Variants in COQ2 observed in about 807,000 individuals in gnomAD.
The protein encoded by COQ2 is coenzyme Q2, polyprenyltransferase, also known as 4-hydroxybenzoate polyprenyltransferase, mitochondrial.
COQ2 carries 25 observed loss-of-function variants against 35.7 expected under a neutral mutation model. That is an observed-to-expected ratio of 0.70 (90% CI 0.51 to 0.98). The LOEUF (loss-of-function observed/expected upper bound fraction) is 0.98, where lower values mean the gene tolerates loss of function less well. Ranked by LOEUF, COQ2 falls within the 50% of genes least tolerant of loss-of-function variation. The pLI is 0.00. For missense variants in COQ2, 488 were observed against 473.5 expected, an observed-to-expected ratio of 1.03 and a Z score of -0.28; for synonymous variants, 206 against 186.2, an observed-to-expected ratio of 1.11 and a Z score of -0.86.
At chr4:83,276,517 C>T (rs1735187393) in intron 2 of COQ2, among the ~76,000 whole-genome samples, 1 of 152,108 alleles carries the variant, frequency 6.6e-6, no homozygotes, top group Non-Finnish European at 1.5e-5. Context: ...TCTTCTACGC[C>T]AGTCAGAATG....
intron 5 of COQ2, 130 bp from the exon 6 acceptor site, chr4:83,267,904 T>C (rs757418567): frequency 2.0e-5 from 14 of 690,934 alleles, no homozygotes; most frequent in Non-Finnish European, 3.1e-5. Context: ...TACCACTAAC[T>C]ACTTTCAGAA....
At chr4:83,284,486 C>T (rs1393233720) in intron 1 of COQ2, 26 bp downstream of exon 1, 2 of 1,548,190 alleles carry the variant, frequency 1.3e-6, no homozygotes. Context: ...TGCAAATTCC[C>T]GGGCTGCCCG....
At chr4:83,265,772 C>T (rs1560491214) in intron 6 of COQ2, among the ~76,000 whole-genome samples, 1 of 151,996 alleles carries the variant, frequency 6.6e-6, no homozygotes, top group African/African-American at 2.4e-5. Flanking sequence ...TCAAGTGATT[C>T]TCCTGCCTCA....
chr4:83,272,211 T>A (rs1197325160), intron 3 of COQ2, 39 bp from the exon 4 acceptor site: 2 of 1,366,868 alleles, frequency 1.5e-6, no homozygotes, highest in Non-Finnish European at 2.0e-6. Flanking sequence ...TTATTACCAC[T>A]ACCTCTTAGA....
At chr4:83,270,378 T>C (rs1175074441) in intron 4 of COQ2, among the ~76,000 whole-genome samples, 2 of 152,164 alleles carry the variant, frequency 1.3e-5, no homozygotes, top group Non-Finnish European at 2.9e-5. Context: ...TTCTTTCTGT[T>C]ACCACTCTGC....
At chr4:83,266,287 A>C (rs1044964469) in intron 6 of COQ2, among the ~76,000 whole-genome samples, 1 of 152,220 alleles carries the variant, frequency 6.6e-6, no homozygotes, top group Non-Finnish European at 1.5e-5. Flanking sequence ...AGTCTTGCCT[A>C]TACTGATAGT....
intron 4 of COQ2, among the ~76,000 whole-genome samples, chr4:83,270,260 TAGG>T (rs1462040614): frequency 6.6e-6 from 1 of 152,052 alleles, no homozygotes; most frequent in African/African-American, 2.4e-5. Context: ...ATTAAGTAAA[TAGG>T]AGGTTTAAAG....
At chr4:83,273,474 A>T in intron 3 of COQ2, 22 bp downstream of exon 3, 1 of 1,595,534 alleles carries the variant, frequency 6.3e-7, no homozygotes, top group Non-Finnish European at 8.5e-7. Context: ...TTTATACATG[A>T]TGTGGAAAAC....
intron 2 of COQ2, among the ~76,000 whole-genome samples, chr4:83,273,980 CAA>C (rs967781699): frequency 1.7e-4 from 5 of 29,070 alleles, no homozygotes; most frequent in African/African-American, 3.5e-4. Context: ...GCTGTCTCTA[CAA>C]AAAAAAAAAA....
In COQ2 at chr4:83,279,057, C is replaced by T. The variant is rs1435409912; in HGVS notation, c.311G>A (p.Gly104Asp). 6.3e-7 allele frequency: 1 copy of T among 1,598,278 alleles called. No individual in the cohort carries two copies. Among genetic ancestry groups the T allele is most frequent in the East Asian group, 2.2e-5 (1 of 44,472 alleles). ...TWSIGLAAEP[G>D]CFPDWYMLSL... ...GAGCATGTACCAATCTGGAAAACAA[C>T]CTGGTTCAGCTGCCAAACCAATGCT... Residue 104 changes from glycine (G) to aspartate (D), a missense_variant, in exon 2 of 7, where the codon GGT (glycine) becomes GAT (aspartate). Coordinates refer to ENST00000647002, the MANE Select transcript of COQ2 (RefSeq NM_001358921.2).
At chr4:83,271,776 G>A (rs901339525) in intron 4 of COQ2, among the ~76,000 whole-genome samples, 3 of 152,064 alleles carry the variant, frequency 2.0e-5, no homozygotes, top group East Asian at 3.9e-4. Context: ...TGGTGCCACT[G>A]CACTCCAGCC....
chr4:83,272,496 T>G (rs1341262777), intron 3 of COQ2, among the ~76,000 whole-genome samples: 1 of 152,218 alleles, frequency 6.6e-6, no homozygotes, highest in Non-Finnish European at 1.5e-5. Context: ...TATTATAATA[T>G]AAAGTTTTAT....
At chr4:83,276,227 G>A (rs544255015) in intron 2 of COQ2, among the ~76,000 whole-genome samples, 13 of 151,686 alleles carry the variant, frequency 8.6e-5, no homozygotes, top group Admixed American at 2.0e-4. Flanking sequence ...GTTCATGTGC[G>A]TTGCCTACTT....
In COQ2 at chr4:83,284,711, C is replaced by T. The variant is rs1234719726; in HGVS notation, c.54G>A (p.Leu18=). 3.3e-6 allele frequency: 5 copies of T among 1,500,312 alleles called. No individual in the cohort carries two copies. The highest frequency in any genetic ancestry group is 4.4e-6 in the Non-Finnish European group (5 of 1,130,356). The allele number at this position is 1,500,312 out of a possible 1,614,324, so 92.9% of individuals were successfully genotyped here. Residue 18 remains leucine (L), a synonymous_variant, in exon 1 of 7, where the codon CTG becomes CTA. Transcript: ENST00000647002. ...GGCCCCGCCAGCCCGGCAGCCACGC[C>T]AGTGCCACAGCCCGCAGGCCCCGCG... ...GFARGLRAVA[L]AWLPGWRGRS...
chr4:83,269,751 A>C (rs955811776), intron 5 of COQ2, 109 bp downstream of exon 5: 3 of 1,034,462 alleles, frequency 2.9e-6, no homozygotes, highest in Non-Finnish European at 1.3e-6. Flanking sequence ...TGGTTCTTAA[A>C]GTTCTTAAAA....
At chr4:83,284,895 A>G (rs1215739234), upstream of COQ2, 1 of 1,521,024 alleles carries the variant, frequency 6.6e-7, no homozygotes, top group Non-Finnish European at 8.8e-7. Flanking sequence ...CCTCATCCTT[A>G]CTTGTGAAAT....
chr4:83,274,436 C>T (rs1735118632), intron 2 of COQ2, among the ~76,000 whole-genome samples: 1 of 152,170 alleles, frequency 6.6e-6, no homozygotes, highest in South Asian at 2.1e-4. Context: ...CTCAAGTGAT[C>T]CACCTGCCTT....
chr4:83,269,766 AC>A, intron 5 of COQ2, 93 bp downstream of exon 5: 1 of 1,136,746 alleles, frequency 8.8e-7, no homozygotes, highest in Non-Finnish European at 1.2e-6. Context: ...TTAAAAAACA[AC>A]AACAAATTTT....
intron 1 of COQ2, chr4:83,281,611 AC>A (rs1735323358): frequency 6.6e-6 from 1 of 152,240 alleles, no homozygotes; most frequent in African/African-American, 2.4e-5. Context: ...CAGCTACCTC[AC>A]AGAGTCGTTA....
Sources: gnomAD v4.1 joint callset for allele counts (sites outside exome capture counted in the v4.1 genomes callset) on GRCh38, gnomAD v4.1.1 for gene constraint, MANE v1.5 for transcripts, NCBI Gene and HGNC (gene_info 2026-07-23, HGNC 2026-07-21) for gene names.